CHN2: variants seen among roughly 807,000 people sequenced by gnomAD.
CHN2 encodes the protein beta-chimaerin.
Under a neutral mutation model 56.3 loss-of-function variants are expected in CHN2, and 35 were observed. That is an observed-to-expected ratio of 0.62 (90% CI 0.47 to 0.82). CHN2 has a LOEUF of 0.82. CHN2 is among the 40% of genes least tolerant of loss of function. The pLI is 0.00. For missense variants in CHN2, 491 were observed against 580.5 expected (o/e 0.85, Z 1.58); for synonymous variants, 210 against 212.8 (o/e 0.99, Z 0.12).
intron 6 of CHN2, among the ~76,000 whole-genome samples, chr7:29,460,129 G>A (rs935533427): frequency 6.6e-6 from 1 of 152,178 alleles, no homozygotes; most frequent in Non-Finnish European, 1.5e-5. Context: ...TGATTTAATT[G>A]ATCTGGGGTA....
At chr7:29,213,347 AG>A in intron 1 of CHN2, 1 of 662,926 alleles carries the variant, frequency 1.5e-6, no homozygotes, top group Non-Finnish European at 2.7e-6. Context: ...ATGCCTATCC[AG>A]TCAATTTGAT....
chr7:29,314,328 A>G (rs899537753), intron 1 of CHN2, among the ~76,000 whole-genome samples: 2 of 152,188 alleles, frequency 1.3e-5, no homozygotes, highest in African/African-American at 4.8e-5. Context: ...AAGTACCTAG[A>G]GTAGTCAAAT....
At chr7:29,249,293 C>T (rs951594173) in intron 1 of CHN2, among the ~76,000 whole-genome samples, 2 of 152,184 alleles carry the variant, frequency 1.3e-5, no homozygotes, top group Admixed American at 6.5e-5. Context: ...GTGTAAGTTC[C>T]GGAGTCCAAA....
Position 29,219,948 on chromosome 7 carries a change from G to A in CHN2, c.49+24958G>A, listed in dbSNP as rs1045520117. Among the ~76,000 whole-genome samples the A allele has an allele frequency of 3.9e-5, 6 of 152,128 alleles. No homozygotes were observed. In the East Asian group the frequency reaches 1.2e-3, roughly 29 times the overall value. On this transcript the variant is annotated intron_variant, in intron 1 of 12. Coordinates refer to ENST00000222792, the MANE Select transcript of CHN2 (RefSeq NM_004067.4). ...AAATTAGCTGGGCGTGGTGGCACACGCCTATAGTCCCAGCTACTCGGGAGG... is the reference window on the plus strand; with the variant it reads ...AAATTAGCTGGGCGTGGTGGCACACACCTATAGTCCCAGCTACTCGGGAGG...
intron 3 of CHN2, among the ~76,000 whole-genome samples, chr7:29,378,778 A>C (rs1314513031): frequency 6.6e-6 from 1 of 152,230 alleles, no homozygotes; most frequent in Admixed American, 6.5e-5. Context: ...ATTCTGGCCA[A>C]CATGGGGAAA....
chr7:29,317,704 C>A (rs6956943), intron 1 of CHN2, among the ~76,000 whole-genome samples: 4 of 152,014 alleles, frequency 2.6e-5, no homozygotes, highest in African/African-American at 7.3e-5. Context: ...AGACATGGTC[C>A]CTGCACTCAG....
At chr7:29,381,235 A>G (rs1329168501) in intron 3 of CHN2, among the ~76,000 whole-genome samples, 1 of 152,168 alleles carries the variant, frequency 6.6e-6, no homozygotes, top group Non-Finnish European at 1.5e-5. Context: ...AGCCCAGCCA[A>G]CATGGCCTCC....
intron 6 of CHN2, among the ~76,000 whole-genome samples, chr7:29,461,815 A>C (rs1332442068): frequency 1.5e-5 from 2 of 134,380 alleles, no homozygotes; most frequent in African/African-American, 5.6e-5. Context: ...TGGTTGGTTC[A>C]TTGGATGGAT....
chr7:29,359,823 A>C (rs2128029484), intron 2 of CHN2, among the ~76,000 whole-genome samples: 1 of 152,222 alleles, frequency 6.6e-6, no homozygotes, highest in East Asian at 1.9e-4. Flanking sequence ...TTCAAAAGCC[A>C]ATCACCATGG....
At chr7:29,504,862 A>C in intron 10 of CHN2, 41 bp downstream of exon 10, 1 of 1,364,238 alleles carries the variant, frequency 7.3e-7, no homozygotes, top group Non-Finnish European at 1.0e-6. Flanking sequence ...ACATCCTAAC[A>C]CCCTTCTCGA....
chr7:29,330,415 G>A (rs887403341), intron 1 of CHN2, among the ~76,000 whole-genome samples: 4 of 152,200 alleles, frequency 2.6e-5, no homozygotes, highest in Admixed American at 2.6e-4. Context: ...ACCTTACACA[G>A]TTGGACAACG....
chr7:29,428,367 A>G (rs760527239), intron 6 of CHN2, among the ~76,000 whole-genome samples: 3 of 152,198 alleles, frequency 2.0e-5, no homozygotes, highest in Non-Finnish European at 4.4e-5. Context: ...TCATGGTCCA[A>G]TGGGGATGTT....
At chr7:29,245,075 C>T (rs1562861047) in intron 1 of CHN2, among the ~76,000 whole-genome samples, 1 of 152,234 alleles carries the variant, frequency 6.6e-6, no homozygotes, top group Non-Finnish European at 1.5e-5. Flanking sequence ...TCTCTACCTG[C>T]AATGCCTTCT....
chr7:29,264,063 C>T (rs1057315695), intron 1 of CHN2, among the ~76,000 whole-genome samples: 38 of 150,544 alleles, frequency 2.5e-4, no homozygotes, highest in African/African-American at 6.4e-4. Flanking sequence ...ATCCGGCCGC[C>T]GCCCCGTCCG....
chr7:29,455,047 A>G (rs1784654234), intron 6 of CHN2, among the ~76,000 whole-genome samples: 2 of 152,182 alleles, frequency 1.3e-5, no homozygotes, highest in Non-Finnish European at 2.9e-5. Flanking sequence ...TTCAACAGCC[A>G]GGAATGTCTT....
At chr7:29,330,102 A>G (rs2128902872) in intron 1 of CHN2, among the ~76,000 whole-genome samples, 1 of 152,354 alleles carries the variant, frequency 6.6e-6, no homozygotes, top group East Asian at 1.9e-4. Flanking sequence ...GGTTGTTGTA[A>G]TAGGATTTTA....
intron 1 of CHN2, among the ~76,000 whole-genome samples, chr7:29,251,678 A>G (rs1722809917): frequency 6.6e-6 from 1 of 152,212 alleles, no homozygotes; most frequent in Admixed American, 6.5e-5. Context: ...AATATTTGAT[A>G]AACAGAGATT....
At chr7:29,173,093 T>C (rs1251471735) in intron 2 of CHN2, among the ~76,000 whole-genome samples, 2 of 147,672 alleles carry the variant, frequency 1.4e-5, no homozygotes, top group Admixed American at 6.8e-5. Flanking sequence ...ATTGCGCCAA[T>C]GTACTCCAGC....
chr7:29,169,104 T>C (rs11979687), intron 2 of CHN2, among the ~76,000 whole-genome samples: 25,094 of 152,124 alleles, frequency 0.16, 2,389 homozygotes, highest in African/African-American at 0.25. Flanking sequence ...GAATAAAACA[T>C]GGAATTTTCC....
Sources: allele counts gnomAD v4.1 joint callset (sites outside exome capture counted in the v4.1 genomes callset), GRCh38; gene constraint gnomAD v4.1.1; transcripts MANE v1.5; gene names NCBI Gene and HGNC (gene_info 2026-07-23, HGNC 2026-07-21).